Variants in SUN1 observed in about 807,000 individuals in gnomAD.
SUN1 encodes SUN domain-containing protein 1.
A neutral mutation model predicts 103.2 loss-of-function variants in SUN1; 61 were observed. That is an observed-to-expected ratio of 0.59 (90% CI 0.48 to 0.73). SUN1 has a LOEUF of 0.73. Among genes scored for constraint, SUN1 ranks in the 30% least tolerant of loss-of-function variants. The pLI, the probability that SUN1 is intolerant of heterozygous loss-of-function variation, is 0.00. For missense variants in SUN1, 1,052 were observed against 1,034.6 expected, an observed-to-expected ratio of 1.02 and a Z score of -0.23; for synonymous variants, 490 against 425.7, an observed-to-expected ratio of 1.15 and a Z score of -1.86.
At chr7:846,553 C>T (rs905225100) in intron 5 of SUN1, among the ~76,000 whole-genome samples, 3 of 151,020 alleles carry the variant, frequency 2.0e-5, no homozygotes, top group East Asian at 2.0e-4. Context: ...TCAGCCTGGG[C>T]GAGAGTGAGA....
intron 16 of SUN1, 95 bp from the exon 17 acceptor site, chr7:869,253 AT>A (rs1282481064): frequency 1.4e-6 from 2 of 1,447,494 alleles, no homozygotes; most frequent in African/African-American, 1.4e-5. Flanking sequence ...TGTAAAACTT[AT>A]TTTTATCTCA....
At chr7:828,821 G>C (rs1254817579), upstream of SUN1, among the ~76,000 whole-genome samples, 1 of 152,220 alleles carries the variant, frequency 6.6e-6, no homozygotes, top group East Asian at 1.9e-4. Context: ...CTCGTAGGAG[G>C]ACCAGCAGGG....
chr7:858,478 T>C (rs1185454100), intron 13 of SUN1, among the ~76,000 whole-genome samples: 1 of 152,228 alleles, frequency 6.6e-6, no homozygotes, highest in Non-Finnish European at 1.5e-5. Flanking sequence ...CCAGCACCAC[T>C]GTGCGTCAGC....
chr7:821,707 G>A (rs1441558334), intron 1 of SUN1, among the ~76,000 whole-genome samples: 3 of 152,136 alleles, frequency 2.0e-5, no homozygotes, highest in Non-Finnish European at 4.4e-5. Context: ...TTACCGCAGC[G>A]TTTCAGGGTG....
At chr7:859,095 G>T (rs1830114351) in intron 13 of SUN1, among the ~76,000 whole-genome samples, 1 of 151,400 alleles carries the variant, frequency 6.6e-6, no homozygotes, top group South Asian at 2.1e-4. Flanking sequence ...GGAGGTTGCA[G>T]CGAGCCAAGA....
chr7:858,113 C>T (rs181254016), intron 13 of SUN1, among the ~76,000 whole-genome samples, 156 bp downstream of exon 13: 175 of 152,298 alleles, frequency 1.1e-3, no homozygotes, highest in African/African-American at 4.0e-3. Flanking sequence ...TGCAGTGGCG[C>T]GATCTCAGCT....
upstream of SUN1, among the ~76,000 whole-genome samples, chr7:828,342 G>GCT (rs1301270283): frequency 2.0e-5 from 3 of 151,902 alleles, no homozygotes; most frequent in African/African-American, 7.3e-5. Context: ...TGCTGTGTTG[G>GCT]CTCACTGCAA....
chr7:858,825 T>A (rs556726767), intron 13 of SUN1, among the ~76,000 whole-genome samples: 2 of 152,210 alleles, frequency 1.3e-5, no homozygotes, highest in African/African-American at 4.8e-5. Context: ...AGAGAGCCCC[T>A]ATAATGGGTA....
At chr7:859,389 C>T (rs1241367670) in intron 13 of SUN1, among the ~76,000 whole-genome samples, 1 of 152,168 alleles carries the variant, frequency 6.6e-6, no homozygotes, top group Non-Finnish European at 1.5e-5. Context: ...CAAATACATG[C>T]ACTTTTTGAA....
rs1824113819 is a variant in SUN1 at position 853,446 on chromosome 7, G to A, written c.1091G>A (p.Gly364Asp). The stretch of plus-strand genomic sequence containing the variant: ...GCTTTTCCGTGGCATTGGATGAGTG[G>A]CGTGGAGCAGCAGGTGGCCTCTCTG... ...SEAFPWHWMS[G>D]VEQQVASLSG... The change falls in exon 10 of 19, where the codon GGC becomes GAC. Residue 364 changes from glycine (G) to aspartate (D), a missense_variant. Transcript: ENST00000401592. 1.2e-6 allele frequency: 2 copies of A among 1,614,050 alleles called. No individual in the cohort carries two copies. The highest frequency in any genetic ancestry group is 8.5e-7 in the Non-Finnish European group (1 of 1,180,054).
At chr7:816,827 C>G (rs970358817) in intron 1 of SUN1, 1 of 148,548 alleles carries the variant, frequency 6.7e-6, no homozygotes, top group Non-Finnish European at 1.5e-5. Context: ...CAACGGCTGC[C>G]GCCCCCGCCC....
Position 853,439 on chromosome 7 carries a change from A to G in SUN1, c.1084A>G (p.Met362Val). Residue 362 changes from methionine (M) to valine (V), a missense_variant, in exon 10 of 19, where the codon ATG (methionine) becomes GTG (valine). Physicochemically the swap from Met to Val is conservative, Grantham distance 21. Around this residue, in one of 2 missense-constraint regions of SUN1, gnomAD observed 846 missense variants for 774.5 expected, o/e 1.09. Transcript: ENST00000401592. ...CAGTGAGGCTTTTCCGTGGCATTGGATGAGTGGCGTGGAGCAGCAGGTGGC... is the reference window on the plus strand; with the variant it reads ...CAGTGAGGCTTTTCCGTGGCATTGGGTGAGTGGCGTGGAGCAGCAGGTGGC... ...GDSEAFPWHW[M>V]SGVEQQVASL... 6.2e-7 allele frequency: 1 copy of G among 1,613,870 alleles called. No homozygotes were observed. Among genetic ancestry groups the G allele is most frequent in the Non-Finnish European group, 8.5e-7 (1 of 1,180,016 alleles).
upstream of SUN1, among the ~76,000 whole-genome samples, chr7:829,163 C>T (rs141752791): frequency 1.8e-3 from 279 of 152,326 alleles, 2 homozygotes; most frequent in African/African-American, 6.2e-3. Context: ...ATGCTGGATC[C>T]GTTTTTCACT....
At chr7:871,350 T>A (rs180675741) in intron 17 of SUN1, among the ~76,000 whole-genome samples, 7 of 152,326 alleles carry the variant, frequency 4.6e-5, no homozygotes, top group African/African-American at 7.2e-5. Context: ...CCATTGTTGC[T>A]CTTAATTTTG....
chr7:856,537 C>A, intron 12 of SUN1, 136 bp downstream of exon 12: 1 of 910,046 alleles, frequency 1.1e-6, no homozygotes, highest in Non-Finnish European at 1.8e-6. Context: ...AGGTTCGTGC[C>A]GACAGACACT....
intron 1 of SUN1, chr7:817,440 T>A: frequency 6.5e-7 from 1 of 1,536,084 alleles, no homozygotes; most frequent in South Asian, 1.2e-5. Context: ...GGGGAACACC[T>A]TGCCACTGTC....
At chr7:834,343 A>T (rs1800851522) in intron 1 of SUN1, among the ~76,000 whole-genome samples, 1 of 152,074 alleles carries the variant, frequency 6.6e-6, no homozygotes. Context: ...TGTCCAGGAG[A>T]TGGCCGGAGT....
chr7:820,086 A>T (rs1211892822), intron 1 of SUN1, among the ~76,000 whole-genome samples: 1 of 152,200 alleles, frequency 6.6e-6, no homozygotes. Context: ...GAATTTAAAG[A>T]TCAGTTTTTC....
At chr7:835,540 T>C (rs1314209880) in intron 1 of SUN1, among the ~76,000 whole-genome samples, 1 of 152,212 alleles carries the variant, frequency 6.6e-6, no homozygotes, top group Non-Finnish European at 1.5e-5. Context: ...TTACATTGGG[T>C]GATTTCCCTC....
Sources: allele counts gnomAD v4.1 joint callset (sites outside exome capture counted in the v4.1 genomes callset), GRCh38; gene constraint gnomAD v4.1.1; regional missense constraint gnomAD v4.1.1; transcripts MANE v1.5; gene names NCBI Gene and HGNC (gene_info 2026-07-23, HGNC 2026-07-21).